The following PRKN variants were observed in gnomAD, a reference collection of about 807,000 sequenced individuals.
PRKN encodes the protein parkin RBR E3 ubiquitin protein ligase.
PRKN carries 56 observed loss-of-function variants against 59.5 expected under a neutral mutation model. That is an observed-to-expected ratio of 0.94 (90% CI 0.76 to 1.18). PRKN has a LOEUF of 1.18. Ranked by LOEUF, PRKN falls within the 50% of genes most tolerant of loss-of-function variation. PRKN has a pLI of 0.00. For synonymous variants in PRKN, 250 were observed against 222.1 expected (o/e 1.13, Z -1.12); for missense variants, 657 against 596.4 (o/e 1.10, Z -1.06).
At chr6:162,407,083 G>C (rs1400945596) in intron 2 of PRKN, among the ~76,000 whole-genome samples, 1 of 151,876 alleles carries the variant, frequency 6.6e-6, no homozygotes, top group African/African-American at 2.4e-5. Flanking sequence ...TATATTCCCA[G>C]GCAGACTTTC....
At chr6:162,477,626 C>T (rs1397701688) in intron 1 of PRKN, among the ~76,000 whole-genome samples, 2 of 152,112 alleles carry the variant, frequency 1.3e-5, no homozygotes, top group African/African-American at 4.8e-5. Flanking sequence ...TTCCCTTTTT[C>T]CACCTATTTC....
At chr6:161,859,431 C>T (rs1018854696) in intron 6 of PRKN, among the ~76,000 whole-genome samples, 1 of 151,468 alleles carries the variant, frequency 6.6e-6, no homozygotes, top group African/African-American at 2.4e-5. Context: ...GCTGAAACTC[C>T]ATCTCTACTA....
At position 161,956,936 on chromosome 6, in the gene PRKN, G is replaced by A. The variant is rs77956247; in HGVS notation, c.734+16366C>T. Among the ~76,000 whole-genome samples, 455 of 152,174 alleles carry A rather than the reference G, an allele frequency of 3.0e-3. 1 individual carries two copies. Among genetic ancestry groups the A allele is most frequent in the Non-Finnish European group, 4.2e-3 (286 of 68,010 alleles). On this transcript the variant is annotated intron_variant, in intron 6 of 11. Transcript: ENST00000366898. ...AAAATTTCAACTTAGTGTTGTCACC[G>A]GCATTCCTGGTCATTTTCTTTGTGC...
intron 1 of PRKN, among the ~76,000 whole-genome samples, chr6:162,487,075 AAAAAG>A (rs1009477178): frequency 1.3e-5 from 2 of 152,176 alleles, no homozygotes; most frequent in Non-Finnish European, 2.9e-5. Context: ...AGTCTCAAAA[AAAAAG>A]AAAAGAAAAG....
At chr6:161,968,896 A>G (rs1234410364) in intron 6 of PRKN, among the ~76,000 whole-genome samples, 1 of 152,238 alleles carries the variant, frequency 6.6e-6, no homozygotes, top group Non-Finnish European at 1.5e-5. Context: ...TGCTGAAACC[A>G]GATCTGTTTT....
chr6:162,203,818 G>A (rs1784831834), intron 3 of PRKN, among the ~76,000 whole-genome samples: 1 of 152,108 alleles, frequency 6.6e-6, no homozygotes, highest in Non-Finnish European at 1.5e-5. Context: ...CTGTATGGCA[G>A]CTTCTTGATT....
At chr6:162,298,643 G>A (rs1244143244) in intron 2 of PRKN, among the ~76,000 whole-genome samples, 1 of 61,244 alleles carries the variant, frequency 1.6e-5, no homozygotes, top group Non-Finnish European at 3.0e-5. Context: ...AACCCCATGA[G>A]GTCAGCATGG....
intron 2 of PRKN, among the ~76,000 whole-genome samples, chr6:162,366,742 T>C (rs1318019563): frequency 1.3e-5 from 2 of 151,842 alleles, no homozygotes; most frequent in African/African-American, 4.8e-5. Flanking sequence ...CCCGCCTCTA[T>C]AAAAAATACA....
chr6:162,603,081 CT>C (rs1554252374), intron 1 of PRKN, among the ~76,000 whole-genome samples: 5 of 152,040 alleles, frequency 3.3e-5, no homozygotes, highest in Non-Finnish European at 5.9e-5. Flanking sequence ...AGGATTTTTT[CT>C]TTTGGTTCGT....
At chr6:162,603,052 T>C (rs1191674207) in intron 1 of PRKN, among the ~76,000 whole-genome samples, 1 of 152,158 alleles carries the variant, frequency 6.6e-6, no homozygotes, top group Non-Finnish European at 1.5e-5. Flanking sequence ...TGCCAACTTT[T>C]AGTTTTCACA....
intron 6 of PRKN, among the ~76,000 whole-genome samples, chr6:161,843,786 T>G (rs1302570390): frequency 6.6e-6 from 1 of 152,180 alleles, no homozygotes; most frequent in Non-Finnish European, 1.5e-5. Context: ...CAAGCCTCCA[T>G]CTCTAAATAA....
intron 4 of PRKN, among the ~76,000 whole-genome samples, chr6:162,130,717 T>G (rs1486557595): frequency 2.6e-5 from 4 of 152,182 alleles, no homozygotes; most frequent in Non-Finnish European, 5.9e-5. Flanking sequence ...CAATTTATAT[T>G]TTGCAGCCAG....
intron 1 of PRKN, among the ~76,000 whole-genome samples, chr6:162,644,661 T>C (rs2128225274): frequency 6.6e-6 from 1 of 152,300 alleles, no homozygotes; most frequent in South Asian, 2.1e-4. Context: ...GCCCCAATTT[T>C]CTTAGTAAAC....
rs1251560717 is a variant in PRKN at position 161,560,350 on chromosome 6, T to C, written c.933+9005A>G. Among the ~76,000 whole-genome samples, 1 of 152,138 alleles carries C rather than the reference T, an allele frequency of 6.6e-6. No individual in the cohort carries two copies. The highest frequency in any genetic ancestry group is 6.6e-5 in the Admixed American group (1 of 15,266). ...TCAAGGCCAGAGGTGAAGATGGTTG[T>C]CCCTTGGCTCCTTAACGACGCCCCC... On this transcript the variant is annotated intron_variant, in intron 8 of 11. Coordinates refer to ENST00000366898, the MANE Select transcript of PRKN (RefSeq NM_004562.3). This position sits in a 1 kb window ranked among gnomAD's most constrained non-coding sequence, Gnocchi z 4.9.
intron 2 of PRKN, among the ~76,000 whole-genome samples, chr6:162,328,321 G>A (rs990875050): frequency 3.3e-5 from 5 of 152,062 alleles, no homozygotes; most frequent in Admixed American, 6.6e-5. Context: ...AGCCGAGATC[G>A]CACCACTGCA....
chr6:162,211,711 T>C (rs1339553117), intron 3 of PRKN, among the ~76,000 whole-genome samples: 2 of 152,136 alleles, frequency 1.3e-5, no homozygotes, highest in African/African-American at 4.8e-5. Flanking sequence ...ATATTTCCTA[T>C]CTTCACTGCT....
Position 162,249,993 on chromosome 6 carries a change from A to G in PRKN, c.412+12532T>C, listed in dbSNP as rs140352850. 8.6e-4 allele frequency among the ~76,000 whole-genome samples: 131 copies of G among 152,040 alleles called. 1 individual carries two copies. In the East Asian group the frequency reaches 0.024, roughly 27 times the overall value. On this transcript the variant is annotated intron_variant, in intron 3 of 11. Coordinates refer to ENST00000366898, the MANE Select transcript of PRKN (RefSeq NM_004562.3). ...AAATCCTGTCTCTACTAAAAATACA[A>G]AAGTTAGCCGGGCATGGTTGCAGGC...
At chr6:162,333,780 T>A (rs563181655) in intron 2 of PRKN, among the ~76,000 whole-genome samples, 2 of 152,240 alleles carry the variant, frequency 1.3e-5, no homozygotes, top group South Asian at 4.1e-4. Flanking sequence ...CTAGAAATGA[T>A]AAAGCTCAGT....
chr6:161,714,554 T>G (rs1164547967), intron 7 of PRKN, among the ~76,000 whole-genome samples: 3 of 152,196 alleles, frequency 2.0e-5, no homozygotes, highest in African/African-American at 7.2e-5. Context: ...TTCTGTTCTT[T>G]ATAAATGACC....
Sources: gnomAD v4.1 joint callset for allele counts (sites outside exome capture counted in the v4.1 genomes callset) on GRCh38, gnomAD v4.1.1 for gene constraint, Gnocchi (gnomAD v3.1) non-coding constraint, MANE v1.5 for transcripts, NCBI Gene and HGNC (gene_info 2026-07-23, HGNC 2026-07-21) for gene names.